Variants in RGS6 observed in about 807,000 individuals in gnomAD.
The protein encoded by RGS6 is regulator of G-protein signaling 6.
A neutral mutation model predicts 78.5 loss-of-function variants in RGS6; 30 were observed. That is an observed-to-expected ratio of 0.38 (90% CI 0.29 to 0.52). The LOEUF (loss-of-function observed/expected upper bound fraction) is 0.52. Ranked by LOEUF, RGS6 falls within the 20% of genes least tolerant of loss-of-function variation. The pLI, the probability that RGS6 is intolerant of heterozygous loss-of-function variation, is 0.85. For missense variants in RGS6, 495 were observed against 609.7 expected, an observed-to-expected ratio of 0.81 and a Z score of 1.98; for synonymous variants, 206 against 206.0, an observed-to-expected ratio of 1.00 and a Z score of 0.00.
chr14:72,191,026 G>A (rs1463647087), intron 2 of RGS6, among the ~76,000 whole-genome samples: 1 of 152,044 alleles, frequency 6.6e-6, no homozygotes, highest in African/African-American at 2.4e-5. Flanking sequence ...TGCATGGAAG[G>A]TCTTCATTAC....
intron 3 of RGS6, among the ~76,000 whole-genome samples, chr14:72,400,125 G>GA (rs769423966): frequency 2.0e-5 from 3 of 152,280 alleles, no homozygotes; most frequent in South Asian, 2.1e-4. Context: ...AAAATGTTAA[G>GA]GCAGCCAGAG....
chr14:72,496,074 T>A (rs1489609738), intron 13 of RGS6, among the ~76,000 whole-genome samples: 6 of 152,166 alleles, frequency 3.9e-5, no homozygotes, highest in African/African-American at 1.4e-4. Flanking sequence ...TTTCCTGAAA[T>A]GGAAAAAATC....
At chr14:72,557,338 T>C (rs2097594273) in intron 17 of RGS6, among the ~76,000 whole-genome samples, 1 of 152,232 alleles carries the variant, frequency 6.6e-6, no homozygotes, top group Admixed American at 6.5e-5. Flanking sequence ...TTAGACATCA[T>C]TGAGGAAGAA....
At chr14:72,174,524 T>A (rs917560761) in intron 2 of RGS6, among the ~76,000 whole-genome samples, 1 of 152,210 alleles carries the variant, frequency 6.6e-6, no homozygotes, top group Non-Finnish European at 1.5e-5. Context: ...AAAAATTGTT[T>A]TTCTTTGAAT....
intron 3 of RGS6, among the ~76,000 whole-genome samples, chr14:72,398,183 G>C (rs2152984432): frequency 6.6e-6 from 1 of 152,206 alleles, no homozygotes; most frequent in African/African-American, 2.4e-5. Flanking sequence ...TCTGGTCCTG[G>C]ACTTTTTTTG....
At chr14:72,534,218 C>T (rs1333119421) in intron 15 of RGS6, among the ~76,000 whole-genome samples, 3 of 152,210 alleles carry the variant, frequency 2.0e-5, no homozygotes, top group Non-Finnish European at 4.4e-5. Context: ...TCACCAAAGG[C>T]TCAGATGATC....
At chr14:72,077,544 A>C (rs747343649) in intron 2 of RGS6, among the ~76,000 whole-genome samples, 48 of 152,116 alleles carry the variant, frequency 3.2e-4, no homozygotes, top group Admixed American at 8.5e-4. Context: ...AATGATGTTG[A>C]AATGTCACTT....
intron 2 of RGS6, among the ~76,000 whole-genome samples, chr14:72,264,851 C>T (rs1049195755): frequency 3.3e-5 from 5 of 152,182 alleles, no homozygotes; most frequent in Admixed American, 3.3e-4. Context: ...TCAGTTATCC[C>T]ATCTGTCAGC....
intron 2 of RGS6, among the ~76,000 whole-genome samples, chr14:72,042,129 C>CTTTTTTTTTTTTTTTTTTTT (rs202194668): frequency 3.0e-5 from 4 of 134,534 alleles, no homozygotes; most frequent in African/African-American, 5.5e-5. Context: ...TTTTCTTTTT[C>CTTTTTTTTTTTTTTTTTTTT]TTTTTTTTTT....
intron 2 of RGS6, among the ~76,000 whole-genome samples, chr14:72,082,228 A>G (rs2094855286): frequency 6.6e-6 from 1 of 152,164 alleles, no homozygotes; most frequent in Non-Finnish European, 1.5e-5. Context: ...GCATCTTTAG[A>G]TCCCTTTGGG....
At chr14:72,093,389 C>T (rs2095327143) in intron 2 of RGS6, among the ~76,000 whole-genome samples, 3 of 151,982 alleles carry the variant, frequency 2.0e-5, no homozygotes, top group Admixed American at 2.0e-4. Flanking sequence ...ACTAAAGGTG[C>T]ATGCCACCAC....
chr14:72,338,378 A>C (rs1456001456), intron 2 of RGS6, among the ~76,000 whole-genome samples: 1 of 152,234 alleles, frequency 6.6e-6, no homozygotes, highest in Non-Finnish European at 1.5e-5. Context: ...AGCCAAGCAA[A>C]AGAGGAAACC....
chr14:71,937,945 A>T (rs1298204628), intron 1 of RGS6, among the ~76,000 whole-genome samples: 1 of 152,216 alleles, frequency 6.6e-6, no homozygotes, highest in African/African-American at 2.4e-5. Flanking sequence ...GGCACTCAGC[A>T]GTGATCATAG....
intron 2 of RGS6, among the ~76,000 whole-genome samples, chr14:72,120,839 G>A (rs748028725): frequency 3.9e-5 from 6 of 152,314 alleles, no homozygotes; most frequent in Non-Finnish European, 7.4e-5. Flanking sequence ...TTTCTGGGAT[G>A]TTGGAAATCT....
At chr14:72,235,492 A>T (rs960882767) in intron 2 of RGS6, among the ~76,000 whole-genome samples, 1 of 152,226 alleles carries the variant, frequency 6.6e-6, no homozygotes. Context: ...ATCTTTATAG[A>T]TAATATCTGG....
intron 2 of RGS6, among the ~76,000 whole-genome samples, chr14:72,294,470 G>A (rs537378687): frequency 6.6e-6 from 1 of 152,280 alleles, no homozygotes; most frequent in Admixed American, 6.5e-5. Flanking sequence ...TATGAAGTTT[G>A]TTCTGTCCAA....
At chr14:72,041,528 C>T (rs2092399793) in intron 2 of RGS6, among the ~76,000 whole-genome samples, 1 of 152,158 alleles carries the variant, frequency 6.6e-6, no homozygotes, top group Admixed American at 6.6e-5. Flanking sequence ...CTTAGGCAGC[C>T]CCCTGAAAAA....
At chr14:72,257,172 A>G (rs922437252) in intron 2 of RGS6, among the ~76,000 whole-genome samples, 2 of 152,222 alleles carry the variant, frequency 1.3e-5, no homozygotes, top group East Asian at 1.9e-4. Flanking sequence ...TGGGTTAACA[A>G]TATGTCCTGA....
the RGS6 span, among the ~76,000 whole-genome samples, chr14:71,871,369 C>T: frequency 3.9e-5 from 6 of 152,284 alleles, no homozygotes; most frequent in South Asian, 2.1e-4. Context: ...AACTGCCTCC[C>T]GAGGTTACAT....
Sources: gnomAD v4.1 joint callset for allele counts (sites outside exome capture counted in the v4.1 genomes callset) on GRCh38, gnomAD v4.1.1 for gene constraint, MANE v1.5 for transcripts, NCBI Gene and HGNC (gene_info 2026-07-23, HGNC 2026-07-21) for gene names.